Variants in CERS6 observed in about 807,000 individuals in gnomAD.
The protein encoded by CERS6 is LAG1 homolog, ceramide synthase 6.
In CERS6, 26 loss-of-function variants were observed where a neutral mutation model predicts 56.8. That is an observed-to-expected ratio of 0.46 (90% CI 0.34 to 0.63). CERS6 has a LOEUF of 0.63. CERS6 is among the 30% of genes least tolerant of loss of function. The pLI, the probability that CERS6 is intolerant of heterozygous loss-of-function variation, is 0.01. For synonymous variants in CERS6, 164 were observed against 173.3 expected (o/e 0.95, Z 0.42); for missense variants, 415 against 467.5 (o/e 0.89, Z 1.04).
chr2:168,460,419 A>T (rs1317365166), intron 1 of CERS6, among the ~76,000 whole-genome samples: 16 of 149,380 alleles, frequency 1.1e-4, no homozygotes, highest in Non-Finnish European at 1.5e-5. Flanking sequence ...CTTGTCTCAA[A>T]CTCCTGAGCT....
chr2:168,654,402 G>T (rs2105320703), intron 4 of CERS6, among the ~76,000 whole-genome samples: 1 of 152,214 alleles, frequency 6.6e-6, no homozygotes, highest in African/African-American at 2.4e-5. Flanking sequence ...TTTTAGCTGG[G>T]CATGGTAGTG....
At chr2:168,580,563 C>A (rs1029759712) in intron 3 of CERS6, among the ~76,000 whole-genome samples, 4 of 152,116 alleles carry the variant, frequency 2.6e-5, no homozygotes, top group African/African-American at 9.7e-5. Flanking sequence ...TAACCTTAAA[C>A]AACAGAGACA....
rs900808132 is a variant in CERS6 at position 168,563,640 on chromosome 2, A to T, written c.407+2318A>T. On this transcript the variant is annotated intron_variant, in intron 3 of 9. Coordinates refer to ENST00000305747, the MANE Select transcript of CERS6 (RefSeq NM_203463.3). ...GTGAAACCCCGTCTCTACTAAAAAT[A>T]CAAAAAATTAGCCAGATGTGGTGGC... 3.9e-5 allele frequency among the ~76,000 whole-genome samples: 6 copies of T among 152,254 alleles called. No homozygotes were observed. The East Asian group carries it at 1.2e-3, about 29-fold the overall frequency.
chr2:168,619,617 C>A (rs1175631314), intron 3 of CERS6, among the ~76,000 whole-genome samples: 1 of 152,066 alleles, frequency 6.6e-6, no homozygotes, highest in African/African-American at 2.4e-5. Flanking sequence ...TGCTCAACAT[C>A]ACTAATGATC....
At chr2:168,599,052 C>T (rs1172174033) in intron 3 of CERS6, among the ~76,000 whole-genome samples, 1 of 152,196 alleles carries the variant, frequency 6.6e-6, no homozygotes, top group Non-Finnish European at 1.5e-5. Flanking sequence ...TCCATCTTCA[C>T]AACAATTCTG....
At chr2:168,641,887 A>G (rs1574122230) in intron 4 of CERS6, among the ~76,000 whole-genome samples, 1 of 22,188 alleles carries the variant, frequency 4.5e-5, no homozygotes, top group Non-Finnish European at 1.3e-4. Context: ...ATACTTGAGT[A>G]ATGGAATAAA....
rs906100930 is a variant in CERS6, at chr2:168,773,314, G to T, written c.*3652G>T. 6.6e-6 allele frequency: 1 copy of T among 152,192 alleles called. No homozygotes were observed. The highest frequency in any genetic ancestry group is 2.4e-5 in the African/African-American group (1 of 41,450). 9.4% of individuals were successfully genotyped at this position (152,192 alleles called of 1,614,324 possible). A position where few individuals can be genotyped will look rare whatever the true frequency, so the allele number is the denominator to read the frequency against. On this transcript the variant is annotated 3_prime_UTR_variant, in exon 10 of 10. Transcript: ENST00000305747. ...AAGATTGTTTAACAGTATGTGTGGT[G>T]ATGTCATTATCTCCAGAGAGGCTTC...
chr2:168,617,119 G>A (rs1473487261), intron 3 of CERS6, among the ~76,000 whole-genome samples: 2 of 152,138 alleles, frequency 1.3e-5, no homozygotes, highest in African/African-American at 2.4e-5. Context: ...TAAATAACCT[G>A]CTCCTGAATG....
intron 3 of CERS6, among the ~76,000 whole-genome samples, chr2:168,595,627 G>A (rs1683779424): frequency 6.6e-6 from 1 of 152,122 alleles, no homozygotes; most frequent in Admixed American, 6.5e-5. Flanking sequence ...TGGTACTTAC[G>A]AAGAGTATCT....
At chr2:168,601,243 C>T (rs1260478415) in intron 3 of CERS6, among the ~76,000 whole-genome samples, 1 of 152,162 alleles carries the variant, frequency 6.6e-6, no homozygotes, top group Non-Finnish European at 1.5e-5. Flanking sequence ...ACACAGTCTC[C>T]CACATAAGGT....
intron 3 of CERS6, among the ~76,000 whole-genome samples, chr2:168,592,240 GGA>G (rs1352469516): frequency 1.3e-5 from 2 of 152,162 alleles, no homozygotes; most frequent in Non-Finnish European, 2.9e-5. Flanking sequence ...CAGAAAGACT[GGA>G]GAGAGTGGAC....
intron 3 of CERS6, among the ~76,000 whole-genome samples, chr2:168,600,571 A>G (rs1331464563): frequency 6.6e-6 from 1 of 152,180 alleles, no homozygotes; most frequent in Non-Finnish European, 1.5e-5. Context: ...GACCCTTTTC[A>G]TATATCCCCT....
intron 8 of CERS6, among the ~76,000 whole-genome samples, chr2:168,758,286 A>G (rs1684470793): frequency 6.6e-6 from 1 of 152,190 alleles, no homozygotes; most frequent in South Asian, 2.1e-4. Context: ...ACCACACCCT[A>G]ATTTTGACCA....
chr2:168,648,367 A>G (rs1387197323), intron 4 of CERS6, among the ~76,000 whole-genome samples: 1 of 152,004 alleles, frequency 6.6e-6, no homozygotes, highest in Non-Finnish European at 1.5e-5. Flanking sequence ...CAGTGGTAAC[A>G]TCCCCTTTGT....
At chr2:168,614,135 C>G (rs1179217194) in intron 3 of CERS6, among the ~76,000 whole-genome samples, 2 of 152,206 alleles carry the variant, frequency 1.3e-5, no homozygotes, top group Non-Finnish European at 2.9e-5. Flanking sequence ...AGAGCATCTT[C>G]TCAAATAGAA....
intron 8 of CERS6, among the ~76,000 whole-genome samples, chr2:168,722,822 C>A (rs1683219649): frequency 6.6e-6 from 1 of 152,170 alleles, no homozygotes; most frequent in South Asian, 2.1e-4. Flanking sequence ...GTCCAGAGGA[C>A]ATCTGGGATG....
At chr2:168,692,764 T>TG (rs1386329057) in intron 5 of CERS6, among the ~76,000 whole-genome samples, 3 of 151,836 alleles carry the variant, frequency 2.0e-5, no homozygotes, top group Non-Finnish European at 2.9e-5. Flanking sequence ...TGTGTGTGGG[T>TG]GGGGGGGAAC....
chr2:168,674,203 T>C (rs1442034973), intron 4 of CERS6, among the ~76,000 whole-genome samples: 1 of 152,234 alleles, frequency 6.6e-6, no homozygotes, highest in Non-Finnish European at 1.5e-5. Context: ...TTTTCCTATA[T>C]AATTGCTTCA....
chr2:168,746,601 T>C (rs371051634), intron 8 of CERS6, among the ~76,000 whole-genome samples: 1 of 151,418 alleles, frequency 6.6e-6, no homozygotes, highest in East Asian at 2.0e-4. Context: ...TACTTACACA[T>C]AGGAATGTTA....
Sources: allele counts gnomAD v4.1 joint callset (sites outside exome capture counted in the v4.1 genomes callset), GRCh38; gene constraint gnomAD v4.1.1; transcripts MANE v1.5; gene names NCBI Gene and HGNC (gene_info 2026-07-23, HGNC 2026-07-21).